The following CMSS1 variants were observed in gnomAD, a reference collection of about 807,000 sequenced individuals.
The protein encoded by CMSS1 is cms1 ribosomal small subunit homolog, also known as protein CMSS1.
CMSS1 carries 33 observed loss-of-function variants against 43.5 expected under a neutral mutation model. That is an observed-to-expected ratio of 0.76 (90% CI 0.57 to 1.01). The LOEUF is 1.01. Among genes scored for constraint, CMSS1 ranks in the 50% least tolerant of loss-of-function variants. The pLI is 0.00. For missense variants in CMSS1, 313 were observed against 326.4 expected, an observed-to-expected ratio of 0.96 and a Z score of 0.32; for synonymous variants, 115 against 117.2, an observed-to-expected ratio of 0.98 and a Z score of 0.12.
chr3:100,011,962 T>C (rs1710168737), intron 1 of CMSS1, among the ~76,000 whole-genome samples: 2 of 152,242 alleles, frequency 1.3e-5, no homozygotes, highest in Admixed American at 6.5e-5. Context: ...TAAGATATTG[T>C]GTGGCTGCTT....
chr3:100,010,099 C>T, intron 1 of CMSS1: 2 of 836,562 alleles, frequency 2.4e-6, no homozygotes, highest in Non-Finnish European at 2.9e-6. Flanking sequence ...ACCAAGTTCT[C>T]ACTTTTTTCT....
At chr3:99,973,893 A>G (rs1169923234) in intron 1 of CMSS1, among the ~76,000 whole-genome samples, 2 of 152,168 alleles carry the variant, frequency 1.3e-5, no homozygotes, top group East Asian at 1.9e-4. Context: ...TTGATAGACA[A>G]TATATAATTG....
rs749574099 is a variant in CMSS1, at chr3:100,078,750, G to A, written c.65-68223G>A. Reference sequence around the variant, plus strand: ...TACTAAAAATACAAAAATTAGCCGAGCATCATGGCGGGTGCCTGTAATCCA... The same window carrying A: ...TACTAAAAATACAAAAATTAGCCGAACATCATGGCGGGTGCCTGTAATCCA... On this transcript the variant is annotated intron_variant, in intron 1 of 9. Transcript: ENST00000421999. Among the ~76,000 whole-genome samples the A allele has an allele frequency of 6.6e-5, 10 of 152,212 alleles. No homozygotes were observed. In the East Asian group the frequency reaches 9.7e-4, roughly 15 times the overall value.
At chr3:99,866,021 A>G (rs368844608) in intron 1 of CMSS1, among the ~76,000 whole-genome samples, 21 of 152,040 alleles carry the variant, frequency 1.4e-4, no homozygotes, top group African/African-American at 5.1e-4. Flanking sequence ...ATTTTGGAGG[A>G]TTTAATATGA....
chr3:99,824,283 C>T (rs1193600017), intron 1 of CMSS1, among the ~76,000 whole-genome samples: 1 of 152,198 alleles, frequency 6.6e-6, no homozygotes, highest in Non-Finnish European at 1.5e-5. Flanking sequence ...GTGGCGCTTC[C>T]TGATCAGGCA....
At chr3:99,921,771 A>G (rs1422154114) in intron 1 of CMSS1, among the ~76,000 whole-genome samples, 4 of 152,238 alleles carry the variant, frequency 2.6e-5, no homozygotes, top group African/African-American at 9.6e-5. Flanking sequence ...AATTCATTTT[A>G]TATATTTCAA....
At chr3:99,852,410 A>G (rs1943741044) in intron 1 of CMSS1, among the ~76,000 whole-genome samples, 2 of 152,014 alleles carry the variant, frequency 1.3e-5, no homozygotes, top group Admixed American at 1.3e-4. Flanking sequence ...ACTTTTTGAA[A>G]GTTGTGTAAG....
intron 1 of CMSS1, among the ~76,000 whole-genome samples, chr3:99,861,553 G>A (rs1487238103): frequency 2.6e-5 from 4 of 152,154 alleles, no homozygotes; most frequent in East Asian, 1.9e-4. Flanking sequence ...CTCTGCAGTT[G>A]ATTTTGTACT....
At chr3:100,167,660 A>G (rs2067076060) in intron 5 of CMSS1, 78 bp from the exon 6 acceptor site, 2 of 835,350 alleles carry the variant, frequency 2.4e-6, no homozygotes, top group East Asian at 2.5e-5. Context: ...AATACTCAAC[A>G]AAGAAGAAAT....
At chr3:99,894,632 T>G (rs985518409) in intron 1 of CMSS1, among the ~76,000 whole-genome samples, 1 of 152,240 alleles carries the variant, frequency 6.6e-6, no homozygotes, top group Non-Finnish European at 1.5e-5. Context: ...GTAGGAAGTT[T>G]ACTATCTTGC....
intron 1 of CMSS1, chr3:99,930,170 G>T: frequency 2.8e-6 from 2 of 709,508 alleles, no homozygotes; most frequent in Non-Finnish European, 2.3e-6. Flanking sequence ...TTTTATAAAA[G>T]GTAACAAAAC....
At chr3:100,162,240 C>T (rs1381060167) in intron 3 of CMSS1, 63 bp from the exon 4 acceptor site, 2 of 1,483,878 alleles carry the variant, frequency 1.3e-6, no homozygotes, top group African/African-American at 2.8e-5. Flanking sequence ...AGGAACTAAC[C>T]TATTCCAACC....
chr3:100,024,659 G>T (rs946650605), intron 1 of CMSS1, among the ~76,000 whole-genome samples: 2 of 152,232 alleles, frequency 1.3e-5, no homozygotes, highest in East Asian at 1.9e-4. Flanking sequence ...TGGAAGAAAT[G>T]CATGGGATAT....
intron 1 of CMSS1, among the ~76,000 whole-genome samples, chr3:99,827,106 T>A (rs977734871): frequency 6.6e-6 from 1 of 152,254 alleles, no homozygotes; most frequent in Non-Finnish European, 1.5e-5. Flanking sequence ...TATAGTTGTA[T>A]TTGCATTTTT....
At chr3:100,050,206 A>G (rs934490331) in intron 1 of CMSS1, among the ~76,000 whole-genome samples, 1 of 152,178 alleles carries the variant, frequency 6.6e-6, no homozygotes, top group Non-Finnish European at 1.5e-5. Context: ...TCAATAAATA[A>G]AAAGAAGAAT....
At chr3:100,081,302 G>A (rs116741282) in intron 1 of CMSS1, among the ~76,000 whole-genome samples, 1,830 of 152,238 alleles carry the variant, frequency 0.012, 24 homozygotes, top group African/African-American at 0.027. Flanking sequence ...CACCTTTCAT[G>A]TAAAACAAAT....
intron 1 of CMSS1, among the ~76,000 whole-genome samples, chr3:100,086,679 G>T (rs2066015395): frequency 6.6e-6 from 1 of 152,184 alleles, no homozygotes; most frequent in South Asian, 2.1e-4. Context: ...TCATTGGAGA[G>T]TTGGGAGCAA....
intron 1 of CMSS1, among the ~76,000 whole-genome samples, chr3:100,088,813 A>G (rs753415586): frequency 3.3e-5 from 5 of 152,146 alleles, no homozygotes; most frequent in Non-Finnish European, 5.9e-5. Flanking sequence ...TTAATTCACT[A>G]CAATATGAAA....
chr3:100,135,816 A>G (rs2066748733), intron 1 of CMSS1, among the ~76,000 whole-genome samples: 1 of 152,126 alleles, frequency 6.6e-6, no homozygotes, highest in South Asian at 2.1e-4. Context: ...TGTTTTTCAA[A>G]TGATCTTTTT....
Sources: gnomAD v4.1 joint callset for allele counts (sites outside exome capture counted in the v4.1 genomes callset) on GRCh38, gnomAD v4.1.1 for gene constraint, MANE v1.5 for transcripts, NCBI Gene and HGNC (gene_info 2026-07-23, HGNC 2026-07-21) for gene names.